The following RNF38 variants were observed in gnomAD, a reference collection of about 807,000 sequenced individuals.
The protein encoded by RNF38 is E3 ubiquitin-protein ligase RNF38.
Under a neutral mutation model 67.2 loss-of-function variants are expected in RNF38, and 15 were observed. The observed-to-expected ratio is 0.22, with a 90% confidence interval of 0.15 to 0.34. The LOEUF (loss-of-function observed/expected upper bound fraction) is 0.34, where lower values mean the gene tolerates loss of function less well. RNF38 is among the 10% of genes least tolerant of loss of function. The pLI is 1.00. For missense variants in RNF38, 524 were observed against 639.9 expected (o/e 0.82, Z 1.95); for synonymous variants, 220 against 218.8 (o/e 1.01, Z -0.05).
At chr9:36,392,358 A>T (rs1336313444) in intron 1 of RNF38, among the ~76,000 whole-genome samples, 1 of 152,220 alleles carries the variant, frequency 6.6e-6, no homozygotes, top group Non-Finnish European at 1.5e-5. Flanking sequence ...TGAATGTGCT[A>T]TCCTTTACCA....
chr9:36,357,900 CTGT>C lies in RNF38; in HGVS notation c.610_612del (p.Thr204del). 1.2e-6 allele frequency: 2 copies of C among 1,614,008 alleles called. No individual in the cohort carries two copies. On this transcript the variant is annotated inframe_deletion, in exon 5 of 12. Transcript: ENST00000259605. Reference sequence around the variant, plus strand: ...CAGAGTGGAATCCCATGTGGTGCCACTGTTGTTACTGTGTAAGAAACAGGGACT... The same window carrying C: ...CAGAGTGGAATCCCATGTGGTGCCACTGTTACTGTGTAAGAAACAGGGACT...
intron 1 of RNF38, among the ~76,000 whole-genome samples, chr9:36,398,885 T>C (rs1837754960): frequency 6.6e-6 from 1 of 152,204 alleles, no homozygotes; most frequent in Admixed American, 6.5e-5. Flanking sequence ...ACTGAGCAAG[T>C]ACCTAATCAT....
At position 36,336,830 on chromosome 9, in the gene RNF38, C is replaced by G. The variant is rs1226719008; in HGVS notation, c.*2922G>C. The G allele has an allele frequency of 6.6e-6, 1 of 152,188 alleles. No individual in the cohort carries two copies. The highest frequency in any genetic ancestry group is 1.5e-5 in the Non-Finnish European group (1 of 67,984). 9.4% of individuals were successfully genotyped at this position (152,188 alleles called of 1,614,324 possible). A position where few individuals can be genotyped will look rare whatever the true frequency, so the allele number is the denominator to read the frequency against. On this transcript the variant is annotated 3_prime_UTR_variant, in exon 12 of 12. Transcript: ENST00000259605. ...TCATTCAAAATTATTCTAAGAGGCCCAAATTTAAGAATCTTAACAAATCAC... is the reference window on the plus strand; with the variant it reads ...TCATTCAAAATTATTCTAAGAGGCCGAAATTTAAGAATCTTAACAAATCAC...
At chr9:36,478,555 T>C (rs1431070597) in intron 1 of RNF38, among the ~76,000 whole-genome samples, 1 of 147,206 alleles carries the variant, frequency 6.8e-6, no homozygotes, top group African/African-American at 2.5e-5. Context: ...CGGTGGCTCA[T>C]ACTTGTAATC....
chr9:36,433,257 C>A (rs1173215663), intron 1 of RNF38, among the ~76,000 whole-genome samples: 1 of 151,318 alleles, frequency 6.6e-6, no homozygotes, highest in Non-Finnish European at 1.5e-5. Context: ...ATTATACATT[C>A]TAAAATAACT....
chr9:36,446,364 T>A (rs1839299999), intron 1 of RNF38, among the ~76,000 whole-genome samples: 1 of 152,210 alleles, frequency 6.6e-6, no homozygotes, highest in African/African-American at 2.4e-5. Context: ...ACAACAGAAA[T>A]TCAGTACAAC....
chr9:36,387,394 G>A (rs960681513), intron 2 of RNF38, among the ~76,000 whole-genome samples: 1 of 152,102 alleles, frequency 6.6e-6, no homozygotes, highest in Non-Finnish European at 1.5e-5. Context: ...TAATGGTTGT[G>A]CCAGATATAA....
chr9:36,409,516 G>A (rs910854192), intron 2 of RNF38, among the ~76,000 whole-genome samples: 7 of 152,102 alleles, frequency 4.6e-5, no homozygotes, highest in East Asian at 1.9e-4. Context: ...CTGCCTGAAC[G>A]TCTTACTATT....
intron 1 of RNF38, 54 bp downstream of exon 1, chr9:36,400,043 T>C: frequency 6.5e-7 from 1 of 1,548,584 alleles, no homozygotes; most frequent in African/African-American, 1.4e-5. Context: ...CATACCCAAC[T>C]TTTACTGAAT....
chr9:36,486,734 C>T (rs1348776454), intron 1 of RNF38, among the ~76,000 whole-genome samples: 2 of 152,142 alleles, frequency 1.3e-5, no homozygotes, highest in Non-Finnish European at 2.9e-5. Context: ...GAAGTCTTTC[C>T]CGCTGCGGCT....
At chr9:36,437,366 A>G (rs972964722) in intron 1 of RNF38, among the ~76,000 whole-genome samples, 2 of 152,242 alleles carry the variant, frequency 1.3e-5, no homozygotes, top group Non-Finnish European at 2.9e-5. Context: ...GGAAAAATCT[A>G]CATAGCTTGG....
At chr9:36,434,619 C>G (rs1264354981) in intron 1 of RNF38, among the ~76,000 whole-genome samples, 6 of 152,122 alleles carry the variant, frequency 3.9e-5, no homozygotes, top group Admixed American at 3.9e-4. Context: ...GAACTCCTGA[C>G]CTCAGGTGAT....
intron 1 of RNF38, among the ~76,000 whole-genome samples, chr9:36,437,596 C>T (rs1008470368): frequency 6.6e-6 from 1 of 151,262 alleles, no homozygotes; most frequent in African/African-American, 2.4e-5. Flanking sequence ...CAAATCAATA[C>T]TACTAGCTGA....
chr9:36,362,354 G>A (rs369455415), intron 4 of RNF38, among the ~76,000 whole-genome samples: 102 of 151,830 alleles, frequency 6.7e-4, no homozygotes, highest in African/African-American at 2.2e-3. Flanking sequence ...GCAAAACTCC[G>A]TCTCGGGGGA....
In RNF38 at chr9:36,399,990, G is replaced by A; in HGVS notation, c.12+107C>T. On this transcript the variant is annotated intron_variant, in intron 1 of 11. Coordinates refer to ENST00000259605, the MANE Select transcript of RNF38 (RefSeq NM_022781.5). ...AAGAAATGGCAATTCATATAATGGT[G>A]GCAATAATTACATGTGTGTGTTTCT... 4 of 974,618 alleles carry A rather than the reference G, an allele frequency of 4.1e-6. No individual in the cohort carries two copies. In the South Asian group the frequency reaches 4.5e-5, roughly 11 times the overall value. The allele number at this position is 974,618 out of a possible 1,614,324, so 60.4% of individuals were successfully genotyped here.
At chr9:36,432,133 G>GT (rs916519702) in intron 1 of RNF38, among the ~76,000 whole-genome samples, 2 of 143,648 alleles carry the variant, frequency 1.4e-5, no homozygotes, top group Non-Finnish European at 1.6e-5. Flanking sequence ...TGGGTATTAA[G>GT]TTTTTTTTGT....
intron 1 of RNF38, among the ~76,000 whole-genome samples, chr9:36,467,711 C>A (rs1839897471): frequency 6.6e-6 from 1 of 152,176 alleles, no homozygotes. Flanking sequence ...AATGCCTGCG[C>A]CTCTCACACA....
chr9:36,373,779 C>G (rs1418674731), intron 3 of RNF38, among the ~76,000 whole-genome samples: 1 of 151,502 alleles, frequency 6.6e-6, no homozygotes, highest in Non-Finnish European at 1.5e-5. Flanking sequence ...CCCGGCCTTG[C>G]TAGCCTTTTT....
intron 2 of RNF38, among the ~76,000 whole-genome samples, chr9:36,423,310 T>C (rs1009788942): frequency 2.0e-5 from 3 of 152,182 alleles, no homozygotes; most frequent in African/African-American, 4.8e-5. Context: ...GAAATCAGTC[T>C]GAACAAAGCT....
Sources: allele counts gnomAD v4.1 joint callset (sites outside exome capture counted in the v4.1 genomes callset), GRCh38; gene constraint gnomAD v4.1.1; transcripts MANE v1.5; gene names NCBI Gene and HGNC (gene_info 2026-07-23, HGNC 2026-07-21).